The following SCART1 variants were observed in gnomAD, a reference collection of about 807,000 sequenced individuals.
SCART1 encodes the protein scavenger receptor cysteine-rich domain-containing protein SCART1.
Under a neutral mutation model 36.2 loss-of-function variants are expected in SCART1, and 62 were observed. That is an observed-to-expected ratio of 1.71 (90% CI 1.40 to 2.12). SCART1 has a LOEUF of 2.12. Among genes scored for constraint, SCART1 ranks in the 30% most tolerant of loss-of-function variants. The pLI is 0.00. For synonymous variants in SCART1, 487 were observed against 238.7 expected (o/e 2.04, Z -9.59); for missense variants, 1,041 against 540.5 (o/e 1.93, Z -9.18).
intron 6 of SCART1, among the ~76,000 whole-genome samples, chr10:133,461,818 C>T (rs530126593): frequency 2.0e-5 from 3 of 152,308 alleles, no homozygotes; most frequent in South Asian, 2.1e-4. Flanking sequence ...CTGTGGAAAG[C>T]GGCGGATGTT....
chr10:133,461,486 A>C (rs554181863), intron 6 of SCART1, among the ~76,000 whole-genome samples: 1 of 152,288 alleles, frequency 6.6e-6, no homozygotes, highest in African/African-American at 2.4e-5. Flanking sequence ...TGTTCTTTGT[A>C]TGCAATGCTG....
chr10:133,456,524 C>A, exon 2 of SCART1: 4 of 681,240 alleles, frequency 5.9e-6, no homozygotes, highest in Non-Finnish European at 5.4e-6. Flanking sequence ...CCCGTGCCCC[C>A]ACGCATGGGT....
chr10:133,469,702 C>G (rs540955718), downstream of SCART1, among the ~76,000 whole-genome samples: 1 of 152,272 alleles, frequency 6.6e-6, no homozygotes, highest in East Asian at 1.9e-4. Context: ...TGTAACAAAC[C>G]TGCACATTCT....
At chr10:133,468,724 CTATT>C (rs1850789007) in exon 12 of SCART1, 1 of 152,186 alleles carries the variant, frequency 6.6e-6, no homozygotes, top group South Asian at 2.1e-4. Context: ...TTTTTTGTAT[CTATT>C]AAGATGATAG....
At position 133,457,263 on chromosome 10, in the gene SCART1, G is replaced by A. The variant is rs568339191; in HGVS notation, c.386-16G>A. 51 of 700,298 alleles carry A rather than the reference G, an allele frequency of 7.3e-5. No homozygotes were observed. Among genetic ancestry groups the A allele is most frequent in the East Asian group, 5.1e-4 (19 of 37,256 alleles). 43.4% of individuals were successfully genotyped at this position (700,298 alleles called of 1,614,324 possible). A position where few individuals can be genotyped will look rare whatever the true frequency, so the allele number is the denominator to read the frequency against. On this transcript the variant is annotated splice_polypyrimidine_tract_variant and intron_variant, in intron 2 of 11. Coordinates refer to ENST00000640237, the Ensembl canonical transcript of SCART1. ...CTGGGTCCATACCTTAAGGAGGACCGGCCTGTGCTCCACAGACGGCACTTT... is the reference window on the plus strand; with the variant it reads ...CTGGGTCCATACCTTAAGGAGGACCAGCCTGTGCTCCACAGACGGCACTTT...
At chr10:133,455,862 T>C (rs1850602945) in intron 1 of SCART1, among the ~76,000 whole-genome samples, 1 of 151,586 alleles carries the variant, frequency 6.6e-6, no homozygotes, top group Non-Finnish European at 1.5e-5. Context: ...GGGGCAGGTG[T>C]GACAGTGGTG....
chr10:133,467,425 A>G, intron 11 of SCART1, 72 bp downstream of exon 11: 3 of 641,834 alleles, frequency 4.7e-6, no homozygotes, highest in Non-Finnish European at 8.4e-6. Flanking sequence ...ATGCAGTGGA[A>G]AGGGACTCTG....
chr10:133,455,562 T>G (rs1850597867), intron 1 of SCART1, among the ~76,000 whole-genome samples: 1 of 151,894 alleles, frequency 6.6e-6, no homozygotes, highest in African/African-American at 2.4e-5. Context: ...CTCCTACTGG[T>G]TGCTTCATTT....
rs1376764232 is a variant in SCART1 at position 133,454,200 on chromosome 10, A to G, written c.67+136A>G. On this transcript the variant is annotated intron_variant, in intron 1 of 11. Coordinates refer to ENST00000640237, the Ensembl canonical transcript of SCART1. Reference sequence around the variant, plus strand: ...TCACTCAGCCCAGAGTGGGTGGGACATGCTGGGGCAGGAGGGAGGTGACTC... The same window carrying G: ...TCACTCAGCCCAGAGTGGGTGGGACGTGCTGGGGCAGGAGGGAGGTGACTC... The G allele has an allele frequency of 1.1e-5, 7 of 655,708 alleles. No individual in the cohort carries two copies. The Admixed American group carries it at 1.5e-4, about 14-fold the overall frequency. The allele number at this position is 655,708 out of a possible 1,614,324, so 40.6% of individuals were successfully genotyped here.
rs1850665046 is a variant in SCART1, at chr10:133,459,399, AG to A, written c.1285+78del. 12 of 613,442 alleles carry A rather than the reference AG, an allele frequency of 2.0e-5. No individual in the cohort carries two copies. In the South Asian group the frequency reaches 2.1e-4, roughly 11 times the overall value. The allele number at this position is 613,442 out of a possible 1,614,324, so 38.0% of individuals were successfully genotyped here. On this transcript the variant is annotated intron_variant, in intron 5 of 11. Coordinates refer to ENST00000640237, the Ensembl canonical transcript of SCART1. ...GACAGAGGAGTGCAAGGAAGGACAG[AG>A]GGGGCGGAGAGGTACGGGCCCTGCT...
chr10:133,464,276 C>T lies in SCART1; in HGVS notation c.1970-330C>T, dbSNP rs1165290417. The stretch of plus-strand genomic sequence containing the variant: ...TCAATAGTGCTGCGGTGAACCTGGG[C>T]GTGCAGTGAACCTGGGTGCTGCAGT... On this transcript the variant is annotated intron_variant, in intron 6 of 11. Transcript: ENST00000640237. 15 of 328,310 alleles carry T rather than the reference C, an allele frequency of 4.6e-5. No homozygotes were observed. The South Asian group carries it at 4.6e-4, about 10-fold the overall frequency. 20.3% of individuals were successfully genotyped at this position (328,310 alleles called of 1,614,324 possible). A position where few individuals can be genotyped will look rare whatever the true frequency, so the allele number is the denominator to read the frequency against.
chr10:133,457,313 C>T (rs776464943), exon 3 of SCART1: 98 of 699,806 alleles, frequency 1.4e-4, no homozygotes, highest in Non-Finnish European at 2.2e-4. Flanking sequence ...TGGTGAAGGG[C>T]CGCAGTCCCT....
At chr10:133,458,281 C>T in intron 3 of SCART1, 79 bp from the exon 4 acceptor site, 1 of 701,906 alleles carries the variant, frequency 1.4e-6, no homozygotes, top group Non-Finnish European at 2.6e-6. Flanking sequence ...TGGCTGAAGC[C>T]TTCCGCAGTC....
chr10:133,463,070 C>T (rs943114324), intron 6 of SCART1, among the ~76,000 whole-genome samples: 1 of 152,176 alleles, frequency 6.6e-6, no homozygotes, highest in Non-Finnish European at 1.5e-5. Flanking sequence ...TGCTCCATGG[C>T]ACAGCTTTAA....
exon 12 of SCART1, chr10:133,468,856 T>TA (rs779213143): frequency 1.3e-5 from 2 of 152,218 alleles, no homozygotes; most frequent in East Asian, 3.8e-4. Flanking sequence ...GGTCAATGTT[T>TA]AAAAAAGAAA....
At chr10:133,454,402 G>A (rs542200413) in intron 1 of SCART1, among the ~76,000 whole-genome samples, 3 of 152,286 alleles carry the variant, frequency 2.0e-5, no homozygotes, top group South Asian at 2.1e-4. Flanking sequence ...CTCCATCCAC[G>A]TGCCCTGGAG....
At chr10:133,460,833 G>T (rs1850693281) in intron 6 of SCART1, among the ~76,000 whole-genome samples, 1 of 151,648 alleles carries the variant, frequency 6.6e-6, no homozygotes, top group African/African-American at 2.4e-5. Context: ...CTGCTTCCTG[G>T]GCTCAAACCA....
chr10:133,457,658 G>A (rs1354887892), intron 3 of SCART1, 83 bp downstream of exon 3: 4 of 597,308 alleles, frequency 6.7e-6, no homozygotes, highest in Non-Finnish European at 8.9e-6. Flanking sequence ...AAGGGGGGTG[G>A]GCGTTCCCAC....
intron 6 of SCART1, among the ~76,000 whole-genome samples, chr10:133,460,482 A>ATT (rs1564834590): frequency 7.0e-6 from 1 of 142,704 alleles, no homozygotes; most frequent in Admixed American, 6.9e-5. Flanking sequence ...ATATATATAT[A>ATT]TATATATTTA....
Sources: gnomAD v4.1 joint callset for allele counts (sites outside exome capture counted in the v4.1 genomes callset) on GRCh38, gnomAD v4.1.1 for gene constraint, MANE v1.5 for transcripts, NCBI Gene and HGNC (gene_info 2026-07-23, HGNC 2026-07-21) for gene names.